Variants in NLRP2 observed in about 807,000 individuals in gnomAD.
The protein encoded by NLRP2 is NACHT, LRR and PYD domains-containing protein 2.
NLRP2 carries 107 observed loss-of-function variants against 97.2 expected under a neutral mutation model. The ratio of observed to expected loss-of-function variants is 1.10; its 90% CI spans 0.94 to 1.29. The LOEUF is 1.29. Ranked by LOEUF, NLRP2 falls within the 50% of genes most tolerant of loss-of-function variation. The pLI is 0.00. For synonymous variants in NLRP2, 663 were observed against 551.5 expected (o/e 1.20, Z -2.83); for missense variants, 1,495 against 1,330.3 (o/e 1.12, Z -1.93).
rs2146335701 is a variant in NLRP2 at position 54,970,048 on chromosome 19, G to A, written c.33G>A (p.Leu11=). 3 of 1,613,984 alleles carry A rather than the reference G, an allele frequency of 1.9e-6. No homozygotes were observed. The highest frequency in any genetic ancestry group is 4.5e-5 in the East Asian group (2 of 44,868). Residue 11 remains leucine (L), a synonymous_variant, in exon 2 of 13, where the codon CTG becomes CTA. Transcript: ENST00000448584. ...CTTCGGCGCAGATGGGCTTCAACCT[G>A]CAGGCTCTCCTGGAGCAGCTCAGCC... is the stretch of plus-strand genomic sequence containing the variant. MVSSAQMGFN[L]QALLEQLSQD...
At chr19:54,973,722 G>A (rs552095566) in intron 2 of NLRP2, 25 of 426,890 alleles carry the variant, frequency 5.9e-5, no homozygotes, top group African/African-American at 3.7e-4. Flanking sequence ...GTTTGAAAAC[G>A]GCAGGAGGAA....
chr19:54,974,829 T>C (rs1197310586), intron 3 of NLRP2, among the ~76,000 whole-genome samples: 1 of 152,164 alleles, frequency 6.6e-6, no homozygotes, highest in East Asian at 1.9e-4. Flanking sequence ...AGATGGAGGC[T>C]TGCTCTGTCA....
At chr19:54,976,810 CTCTTTTTTTT>C in intron 3 of NLRP2, 2 of 312,922 alleles carry the variant, frequency 6.4e-6, no homozygotes, top group Non-Finnish European at 1.1e-5. Context: ...CTTGTTCTCT[CTCTTTTTTTT>C]TTTTTTTTTG....
intron 4 of NLRP2, 97 bp from the exon 5 acceptor site, chr19:54,981,520 C>CCCCCCCCCCCCA: frequency 2.5e-6 from 1 of 407,110 alleles, no homozygotes; most frequent in Admixed American, 2.4e-5. Context: ...CCCCCCCTCC[C>CCCCCCCCCCCCA]CCCCGCCCCA....
At chr19:54,989,969 A>G in intron 8 of NLRP2, 53 bp from the exon 9 acceptor site, 3 of 1,584,382 alleles carry the variant, frequency 1.9e-6, no homozygotes, top group Non-Finnish European at 2.6e-6. Flanking sequence ...AACAAGAGTG[A>G]GACTCAGTCT....
chr19:54,973,666 G>T (rs1429134111), intron 2 of NLRP2, among the ~76,000 whole-genome samples: 2 of 152,222 alleles, frequency 1.3e-5, no homozygotes, highest in South Asian at 2.1e-4. Context: ...GAGCAACCAT[G>T]CCCGGCCAAG....
At chr19:54,988,961 G>A (rs576044787) in intron 8 of NLRP2, among the ~76,000 whole-genome samples, 2 of 152,136 alleles carry the variant, frequency 1.3e-5, no homozygotes, top group African/African-American at 4.8e-5. Flanking sequence ...CTTGAAGTCA[G>A]GAGTTTTTTG....
intron 5 of NLRP2, among the ~76,000 whole-genome samples, chr19:54,981,900 T>G (rs2071600720): frequency 6.6e-6 from 1 of 152,096 alleles, no homozygotes; most frequent in Non-Finnish European, 1.5e-5. Flanking sequence ...TGCCTCAGCC[T>G]CCCGAGTAGC....
At chr19:54,966,821 C>A (rs62124625) in intron 1 of NLRP2, among the ~76,000 whole-genome samples, 1 of 141,274 alleles carries the variant, frequency 7.1e-6, no homozygotes, top group Non-Finnish European at 1.5e-5. Flanking sequence ...CCACCGCGCC[C>A]AGCCTTTTTT....
At chr19:54,976,810 C>CTTTTTTTTTTGTTTTTTTTTT (rs749684265) in intron 3 of NLRP2, 1 of 268,530 alleles carries the variant, frequency 3.7e-6, no homozygotes, top group African/African-American at 4.2e-5. Flanking sequence ...CTTGTTCTCT[C>CTTTTTTTTTTGTTTTTTTTTT]TCTTTTTTTT....
chr19:55,000,558 C>T (rs1327608311), intron 12 of NLRP2, among the ~76,000 whole-genome samples: 1 of 148,400 alleles, frequency 6.7e-6, no homozygotes, highest in African/African-American at 2.5e-5. Context: ...GAATTACAGG[C>T]GTGAGCCATC....
rs777564374 is a variant in NLRP2, at chr19:54,983,457, C to T, written c.1759C>T (p.Arg587Ter). ...MSPDIKQELL[R>*]CDISCKGGHS... ...ACCGGACATCAAACAGGAATTGCTG[C>T]GATGCGACATAAGTTGTAAGGGTGG... The change falls in exon 6 of 13, where the codon CGA becomes TGA. Residue 587 changes from arginine (R) to a stop codon, truncating the protein, a stop_gained. Coordinates refer to ENST00000448584, the MANE Select transcript of NLRP2 (RefSeq NM_017852.5). LOFTEE classifies it high-confidence loss of function. The T allele has an allele frequency of 8.7e-6, 14 of 1,614,040 alleles. No homozygotes were observed. The highest frequency in any genetic ancestry group is 1.1e-5 in the Non-Finnish European group (13 of 1,180,046).
intron 12 of NLRP2, among the ~76,000 whole-genome samples, chr19:55,000,346 G>T (rs538713961): frequency 8.2e-6 from 1 of 121,648 alleles, no homozygotes; most frequent in Non-Finnish European, 1.6e-5. Flanking sequence ...GCACGATCTC[G>T]GCTCACTGCA....
chr19:54,986,757 A>G (rs2072118380), intron 8 of NLRP2, among the ~76,000 whole-genome samples: 1 of 152,102 alleles, frequency 6.6e-6, no homozygotes, highest in Non-Finnish European at 1.5e-5. Flanking sequence ...CCACATTGCC[A>G]GGCTGGTCTC....
chr19:54,976,159 A>C (rs1359119783), intron 3 of NLRP2, among the ~76,000 whole-genome samples: 2 of 151,742 alleles, frequency 1.3e-5, no homozygotes, highest in Non-Finnish European at 2.9e-5. Flanking sequence ...GGTTCAAGTG[A>C]TTCTCTTGCC....
Position 54,973,831 on chromosome 19 carries a change from T to C in NLRP2, c.281-669T>C, listed in dbSNP as rs539985053. 2.3e-3 allele frequency: 1,433 copies of C among 617,794 alleles called. 13 individuals are homozygous for C. Among genetic ancestry groups the C allele is most frequent in the South Asian group, 0.013 (949 of 73,232 alleles). The allele number at this position is 617,794 out of a possible 1,614,324, so 38.3% of individuals were successfully genotyped here. ...CTCACACAGACATGGTGAATGTTCCTGAAACCCGCCGGACTTTCTGTAAGA... is the reference window on the plus strand; with the variant it reads ...CTCACACAGACATGGTGAATGTTCCCGAAACCCGCCGGACTTTCTGTAAGA... On this transcript the variant is annotated intron_variant, in intron 2 of 12. Coordinates refer to ENST00000448584, the MANE Select transcript of NLRP2 (RefSeq NM_017852.5).
At chr19:54,979,603 G>C (rs34261211) in intron 4 of NLRP2, among the ~76,000 whole-genome samples, 2 of 151,698 alleles carry the variant, frequency 1.3e-5, no homozygotes, top group African/African-American at 4.8e-5. Context: ...CACCCACTTC[G>C]GCCTCCCAAA....
At chr19:54,992,417 C>T (rs1256935571) in intron 10 of NLRP2, among the ~76,000 whole-genome samples, 1 of 151,164 alleles carries the variant, frequency 6.6e-6, no homozygotes, top group Non-Finnish European at 1.5e-5. Context: ...GGCCCTGAAA[C>T]ATTAAAAAAG....
chr19:54,985,013 C>T (rs577317383), intron 6 of NLRP2, 34 bp from the exon 7 acceptor site: 2 of 1,608,748 alleles, frequency 1.2e-6, no homozygotes, highest in Non-Finnish European at 1.7e-6. Context: ...GATGGACACA[C>T]ATTTGGTGTA....
Sources: allele counts gnomAD v4.1 joint callset (sites outside exome capture counted in the v4.1 genomes callset), GRCh38; gene constraint gnomAD v4.1.1; transcripts MANE v1.5; gene names NCBI Gene and HGNC (gene_info 2026-07-23, HGNC 2026-07-21).